PON3: variants seen among roughly 807,000 people sequenced by gnomAD.
PON3 encodes serum paraoxonase/lactonase 3.
A neutral mutation model predicts 36.3 loss-of-function variants in PON3; 37 were observed. The ratio of observed to expected loss-of-function variants is 1.02; its 90% CI spans 0.78 to 1.34. The LOEUF (loss-of-function observed/expected upper bound fraction) is 1.34, where lower values mean the gene tolerates loss of function less well. Among genes scored for constraint, PON3 ranks in the 40% most tolerant of loss-of-function variants. PON3 has a pLI of 0.00. For missense variants in PON3, 415 were observed against 426.5 expected (o/e 0.97, Z 0.24); for synonymous variants, 155 against 154.8 (o/e 1.00, Z -0.01).
chr7:95,367,078 G>C (rs1808713234), intron 5 of PON3, among the ~76,000 whole-genome samples: 1 of 152,196 alleles, frequency 6.6e-6, no homozygotes, highest in African/African-American at 2.4e-5. Context: ...GTATTGAGTT[G>C]CCGTGGTAAA....
chr7:95,378,969 G>A (rs967554229), intron 3 of PON3, among the ~76,000 whole-genome samples: 1 of 152,026 alleles, frequency 6.6e-6, no homozygotes, highest in Admixed American at 6.6e-5. Flanking sequence ...AAATTGGATA[G>A]AGTCAAGACC....
intron 3 of PON3, among the ~76,000 whole-genome samples, chr7:95,381,241 C>A (rs1056509272): frequency 6.6e-6 from 1 of 152,160 alleles, no homozygotes; most frequent in African/African-American, 2.4e-5. Context: ...CCAGCCACTG[C>A]AAAAACATGC....
At chr7:95,391,145 C>T (rs768150413) in intron 2 of PON3, among the ~76,000 whole-genome samples, 73 of 152,190 alleles carry the variant, frequency 4.8e-4, no homozygotes, top group Non-Finnish European at 2.5e-4. Context: ...TAAAGGATCA[C>T]ATCAAAGCAT....
chr7:95,364,712 C>T (rs566434932), intron 5 of PON3: 1 of 156,988 alleles, frequency 6.4e-6, no homozygotes, highest in African/African-American at 2.4e-5. Flanking sequence ...TTTGAGCCAC[C>T]AAGATGTTAG....
chr7:95,388,657 C>T (rs1809253619), intron 3 of PON3, among the ~76,000 whole-genome samples: 1 of 152,166 alleles, frequency 6.6e-6, no homozygotes, highest in African/African-American at 2.4e-5. Flanking sequence ...TATTGCAGCA[C>T]TGTTCACAAT....
At chr7:95,394,023 A>G (rs1372038813) in intron 2 of PON3, among the ~76,000 whole-genome samples, 1 of 152,054 alleles carries the variant, frequency 6.6e-6, no homozygotes, top group African/African-American at 2.4e-5. Flanking sequence ...CAGCCTTCCG[A>G]GTAGCTGGGA....
intron 4 of PON3, among the ~76,000 whole-genome samples, 193 bp downstream of exon 4, chr7:95,371,980 G>A (rs1033098673): frequency 6.6e-6 from 1 of 151,834 alleles, no homozygotes; most frequent in Non-Finnish European, 1.5e-5. Flanking sequence ...GGCCACATAG[G>A]GCCAAAAATA....
intron 1 of PON3, among the ~76,000 whole-genome samples, chr7:95,395,676 A>G (rs1313977155): frequency 1.3e-5 from 2 of 152,182 alleles, no homozygotes; most frequent in African/African-American, 4.8e-5. Flanking sequence ...CTAGCCCAGT[A>G]TTGACTTTTC....
intron 3 of PON3, among the ~76,000 whole-genome samples, chr7:95,383,841 T>C (rs945140374): frequency 2.0e-5 from 3 of 152,138 alleles, no homozygotes; most frequent in Non-Finnish European, 2.9e-5. Context: ...TTCACAGAAT[T>C]GGAAAAAACT....
At chr7:95,366,474 A>C (rs1261151876) in intron 5 of PON3, among the ~76,000 whole-genome samples, 2 of 152,212 alleles carry the variant, frequency 1.3e-5, no homozygotes, top group African/African-American at 4.8e-5. Context: ...TGATGTTGAG[A>C]AAGAGAGCAA....
Position 95,359,874 on chromosome 7 carries a change from G to A in PON3, c.*99C>T, listed in dbSNP as rs1400329189. On this transcript the variant is annotated 3_prime_UTR_variant, in exon 9 of 9. Transcript: ENST00000265627. ...ATAAGAAAAGCCACACTCACTGGTTGGTGTTTGCTATTTACTTACAGTGCC... is the reference window on the plus strand; with the variant it reads ...ATAAGAAAAGCCACACTCACTGGTTAGTGTTTGCTATTTACTTACAGTGCC... 62 of 1,222,058 alleles carry A rather than the reference G, an allele frequency of 5.1e-5. 1 individual carries two copies. The South Asian group carries it at 6.4e-4, about 13-fold the overall frequency. 75.7% of individuals were successfully genotyped at this position (1,222,058 alleles called of 1,614,324 possible).
At chr7:95,373,263 T>C (rs1229032522) in intron 3 of PON3, among the ~76,000 whole-genome samples, 1 of 152,200 alleles carries the variant, frequency 6.6e-6, no homozygotes, top group Non-Finnish European at 1.5e-5. Context: ...CCTCTCCCTG[T>C]CCTTTCTACA....
chr7:95,394,974 C>A (rs1809397354), intron 1 of PON3, among the ~76,000 whole-genome samples: 1 of 152,026 alleles, frequency 6.6e-6, no homozygotes, highest in Non-Finnish European at 1.5e-5. Context: ...AATTCTGCTG[C>A]CCAAATAAAA....
At chr7:95,376,974 G>A (rs571191185) in intron 3 of PON3, among the ~76,000 whole-genome samples, 1 of 152,360 alleles carries the variant, frequency 6.6e-6, no homozygotes, top group African/African-American at 2.4e-5. Context: ...CAAGGGGTCA[G>A]GGGATTTCCC....
intron 3 of PON3, among the ~76,000 whole-genome samples, chr7:95,385,315 C>A (rs995013934): frequency 1.3e-4 from 20 of 152,050 alleles, no homozygotes; most frequent in Non-Finnish European, 2.8e-4. Context: ...AACAAACCTG[C>A]ACATTGTGCA....
At chr7:95,390,353 C>T (rs912110378) in intron 2 of PON3, 144 bp from the exon 3 acceptor site, 3 of 769,216 alleles carry the variant, frequency 3.9e-6, no homozygotes, top group Non-Finnish European at 6.9e-6. Context: ...ACCATATTAA[C>T]TTTGGAGAAT....
In PON3 at chr7:95,385,869, A is replaced by G. The variant is rs114465569; in HGVS notation, c.201+4285T>C. On this transcript the variant is annotated intron_variant, in intron 3 of 8. Coordinates refer to ENST00000265627, the MANE Select transcript of PON3 (RefSeq NM_000940.3). ...ATAAAGATTTTCTTTGACATCAATG[A>G]CATCAAAGACACAATGTACCAGAAT... is the stretch of plus-strand genomic sequence containing the variant. Among the ~76,000 whole-genome samples, 966 of 152,328 alleles carry G rather than the reference A, an allele frequency of 6.3e-3. 9 individuals carry two copies. Among genetic ancestry groups the G allele is most frequent in the African/African-American group, 0.022 (921 of 41,572 alleles).
At chr7:95,363,575 C>A in intron 6 of PON3, 1 of 441,680 alleles carries the variant, frequency 2.3e-6, no homozygotes. Context: ...CATTTATCTT[C>A]CTTTGTAGTG....
intron 5 of PON3, among the ~76,000 whole-genome samples, chr7:95,366,357 C>A (rs948525555): frequency 2.6e-5 from 4 of 152,176 alleles, no homozygotes; most frequent in Non-Finnish European, 5.9e-5. Context: ...GCTATGGCCT[C>A]AGAACCCCAT....
Sources: gnomAD v4.1 joint callset for allele counts (sites outside exome capture counted in the v4.1 genomes callset) on GRCh38, gnomAD v4.1.1 for gene constraint, MANE v1.5 for transcripts, NCBI Gene and HGNC (gene_info 2026-07-23, HGNC 2026-07-21) for gene names.